Variants in DDX17 observed in about 807,000 individuals in gnomAD.
The protein encoded by DDX17 is DEAD-box helicase 17.
A neutral mutation model predicts 80.8 loss-of-function variants in DDX17; 10 were observed. That is an observed-to-expected ratio of 0.12 (90% confidence interval 0.08 to 0.21). The LOEUF (loss-of-function observed/expected upper bound fraction) is 0.21. DDX17 is among the 10% of genes least tolerant of loss of function. DDX17 has a pLI of 1.00. For synonymous variants in DDX17, 339 were observed against 336.2 expected, an observed-to-expected ratio of 1.01 and a Z score of -0.09; for missense variants, 586 against 957.4, an observed-to-expected ratio of 0.61 and a Z score of 5.12.
At chr22:38,504,104 T>C (rs1214254390) in intron 1 of DDX17, among the ~76,000 whole-genome samples, 1 of 152,192 alleles carries the variant, frequency 6.6e-6, no homozygotes, top group East Asian at 1.9e-4. Flanking sequence ...TTGTAGCCCC[T>C]CTATGTGCCT....
chr22:38,494,135 A>C lies in DDX17; in HGVS notation c.1215-4T>G, dbSNP rs1022224222. On this transcript the variant is annotated splice_region_variant and splice_polypyrimidine_tract_variant and intron_variant, in intron 8 of 12. Transcript: ENST00000403230. Reference sequence around the variant, plus strand: ...TTCTTCCATTAGTTGGATCAACCTGAAAACATGACCAACAATGCAGTCATC... The same window carrying C: ...TTCTTCCATTAGTTGGATCAACCTGCAAACATGACCAACAATGCAGTCATC... The C allele has an allele frequency of 6.3e-7, 1 of 1,588,410 alleles. No homozygotes were observed. The highest frequency in any genetic ancestry group is 1.3e-5 in the African/African-American group (1 of 74,502).
chr22:38,485,996 A>G lies in DDX17; in HGVS notation c.2129T>C (p.Met710Thr). Residue 710 changes from methionine (M) to threonine (T), a missense_variant, in exon 13 of 13, where the codon ATG becomes ACG. Met to Thr is a moderately conservative substitution (Grantham distance 81). Around this residue, in one of 4 missense-constraint regions of DDX17, gnomAD observed 221 missense variants for 261.4 expected, o/e 0.85. Transcript: ENST00000403230. ...AGGGTATTGGTAGGCAGTCTGCCCC[A>G]TGTAACCTATCATATTGGTAGCTCC... The G allele has an allele frequency of 6.2e-7, 1 of 1,613,984 alleles. No individual in the cohort carries two copies. Among genetic ancestry groups the G allele is most frequent in the Non-Finnish European group, 8.5e-7 (1 of 1,179,986 alleles).
In DDX17 at chr22:38,505,970, G is replaced by A; in HGVS notation, c.268C>T (p.Arg90Trp). Reference sequence around the variant, plus strand: ...CCTTACCCTCCACGGTCACGATCCCGGTCCCGGTCCCCAAAGCCTCCTCCG... The same window carrying A: ...CCTTACCCTCCACGGTCACGATCCCAGTCCCGGTCCCCAAAGCCTCCTCCG... The change falls in exon 1 of 13, where the codon CGG (arginine) becomes TGG (tryptophan). Residue 90 changes from arginine to tryptophan, a missense_variant. By Grantham distance (101) the Arg-to-Trp change is moderately radical. Coordinates refer to ENST00000403230, the MANE Select transcript of DDX17 (RefSeq NM_006386.5). 2.6e-6 allele frequency: 4 copies of A among 1,536,822 alleles called. No homozygotes were observed. Among genetic ancestry groups the A allele is most frequent in the Non-Finnish European group, 3.5e-6 (4 of 1,139,266 alleles).
In DDX17 at chr22:38,484,152, G is replaced by A. The variant is rs2089630403; in HGVS notation, c.*1783C>T. The A allele has an allele frequency of 6.6e-6, 1 of 152,188 alleles. No individual in the cohort carries two copies. Among genetic ancestry groups the A allele is most frequent in the Admixed American group, 6.6e-5 (1 of 15,236 alleles). The allele number at this position is 152,188 out of a possible 1,614,324, so 9.4% of individuals were successfully genotyped here. A position where few individuals can be genotyped will look rare whatever the true frequency, so the allele number is the denominator to read the frequency against. ...TGGCCAGTGCTTAGACAAATTTGGGGTTGGGGGGAACACTTTGGTTTGAAA... is the reference window on the plus strand; with the variant it reads ...TGGCCAGTGCTTAGACAAATTTGGGATTGGGGGGAACACTTTGGTTTGAAA... On this transcript the variant is annotated 3_prime_UTR_variant, in exon 13 of 13. Coordinates refer to ENST00000403230, the MANE Select transcript of DDX17 (RefSeq NM_006386.5).
chr22:38,486,702 G>GT (rs893514204), intron 12 of DDX17, among the ~76,000 whole-genome samples: 1 of 152,062 alleles, frequency 6.6e-6, no homozygotes, highest in African/African-American at 2.4e-5. Flanking sequence ...AAGAAACACG[G>GT]TATTACAATA....
Position 38,485,692 on chromosome 22 carries a change from A to ATC in DDX17, c.*242_*243insGA. The ATC allele has an allele frequency of 1.6e-5, 1 of 63,998 alleles. No individual in the cohort carries two copies. Among genetic ancestry groups the ATC allele is most frequent in the South Asian group, 2.2e-4 (1 of 4,498 alleles). The allele number at this position is 63,998 out of a possible 1,614,324, so 4.0% of individuals were successfully genotyped here. A position where few individuals can be genotyped will look rare whatever the true frequency, so the allele number is the denominator to read the frequency against. On this transcript the variant is annotated 3_prime_UTR_variant, in exon 13 of 13. Transcript: ENST00000403230. ...TCCAGTCAGCTATATATATATATAT[A>ATC]TATTTTTTTTTTTTTTACAAAATGT...
chr22:38,500,966 A>C (rs910937705), intron 2 of DDX17, among the ~76,000 whole-genome samples, 164 bp downstream of exon 2: 1 of 101,166 alleles, frequency 9.9e-6, no homozygotes, highest in African/African-American at 3.3e-5. Flanking sequence ...CCCGGTCTCT[A>C]CAAAAAGGAA....
rs1555927248 is a variant in DDX17 at position 38,506,046 on chromosome 22, G to A, written c.192C>T (p.Ser64=). ...CTGGGAGCGGGGCACGGATGGCCGG[G>A]CTCGGGAGGGCCTGCGGCTCCGGTC... The change falls in exon 1 of 13, where the codon AGC becomes AGT. Residue 64 remains serine, a synonymous_variant. Transcript: ENST00000403230. 2.5e-6 allele frequency: 4 copies of A among 1,585,522 alleles called. No individual in the cohort carries two copies. The South Asian group carries it at 3.4e-5, about 14-fold the overall frequency.
chr22:38,490,043 G>T lies in DDX17; in HGVS notation c.1448-1928C>A, dbSNP rs562324239. The T allele has an allele frequency of 5.8e-6, 6 of 1,040,426 alleles. No individual in the cohort carries two copies. In the South Asian group the frequency reaches 1.6e-4, roughly 28 times the overall value. The allele number at this position is 1,040,426 out of a possible 1,614,324, so 64.4% of individuals were successfully genotyped here. A position where few individuals can be genotyped will look rare whatever the true frequency, so the allele number is the denominator to read the frequency against. ...TACTTGGAAGTATTTCTAGAAGGGGGTGCTCAATAGAGGGCAGACATGATG... is the reference window on the plus strand; with the variant it reads ...TACTTGGAAGTATTTCTAGAAGGGGTTGCTCAATAGAGGGCAGACATGATG... On this transcript the variant is annotated intron_variant, in intron 11 of 12. Transcript: ENST00000403230.
rs1166278734 is a variant in DDX17 at position 38,485,039 on chromosome 22, A to G, written c.*896T>C. ...AAATGTGCTTTTTACACTGCAGGTCAATATAAAAACTGGTTAGTAAATTTC... is the reference window on the plus strand; with the variant it reads ...AAATGTGCTTTTTACACTGCAGGTCGATATAAAAACTGGTTAGTAAATTTC... On this transcript the variant is annotated 3_prime_UTR_variant, in exon 13 of 13. Transcript: ENST00000403230. 1 of 152,222 alleles carries G rather than the reference A, an allele frequency of 6.6e-6. No individual in the cohort carries two copies. The highest frequency in any genetic ancestry group is 1.5e-5 in the Non-Finnish European group (1 of 68,042). The allele number at this position is 152,222 out of a possible 1,614,324, so 9.4% of individuals were successfully genotyped here.
intron 5 of DDX17, among the ~76,000 whole-genome samples, chr22:38,497,571 TCTCGCTACTGCA>T (rs1266102076): frequency 2.3e-5 from 3 of 129,842 alleles, no homozygotes; most frequent in Non-Finnish European, 4.6e-5. Flanking sequence ...TGAGCTGAGA[TCTCGCTACTGCA>T]CTCCAGCCTG....
intron 5 of DDX17, among the ~76,000 whole-genome samples, chr22:38,497,111 C>G (rs903349084): frequency 6.6e-6 from 1 of 151,290 alleles, no homozygotes. Context: ...GTCTGGCCAA[C>G]ATGGTGAAAC....
Position 38,485,946 on chromosome 22 carries a change from A to G in DDX17, c.2179T>C (p.Ser727Pro), listed in dbSNP as rs144334639. Residue 727 changes from serine to proline, a missense_variant, in exon 13 of 13, where the codon TCA becomes CCA. Transcript: ENST00000403230. The stretch of plus-strand genomic sequence containing the variant: ...CCACTTGAGTGGTTTCATTTACGTG[A>G]AGGAGGAGGAGGGGGAGGAGGAGGA... 3.3e-4 allele frequency: 539 copies of G among 1,613,358 alleles called. No homozygotes were observed. Among genetic ancestry groups the G allele is most frequent in the Admixed American group, 5.5e-4 (33 of 59,972 alleles).
intron 2 of DDX17, among the ~76,000 whole-genome samples, chr22:38,500,835 A>C (rs1426091214): frequency 7.0e-6 from 1 of 141,994 alleles, no homozygotes; most frequent in East Asian, 2.0e-4. Flanking sequence ...AAAAAAAAAA[A>C]AAAAAAAAAA....
intron 11 of DDX17, chr22:38,490,446 A>C (rs1466367817): frequency 2.3e-6 from 3 of 1,289,164 alleles, no homozygotes; most frequent in Non-Finnish European, 3.0e-6. Context: ...TCTGTTAAAA[A>C]ACAAAACAAA....
At chr22:38,488,854 A>G (rs1374285004) in intron 11 of DDX17, 2 of 985,204 alleles carry the variant, frequency 2.0e-6, no homozygotes, top group East Asian at 2.3e-4. Context: ...TTTTTGCTCA[A>G]CTCAAGGTTA....
rs760459590 is a variant in DDX17, at chr22:38,501,079, A to G, written c.438+51T>C. On this transcript the variant is annotated intron_variant, in intron 2 of 12. Coordinates refer to ENST00000403230, the MANE Select transcript of DDX17 (RefSeq NM_006386.5). ...AGCGTATGAATAAACTCTAACCAAT[A>G]TATCTACTTGGTTCAATAATCTGTA... 15 of 1,571,998 alleles carry G rather than the reference A, an allele frequency of 9.5e-6. No homozygotes were observed. The East Asian group carries it at 1.2e-4, about 12-fold the overall frequency.
chr22:38,490,302 A>ATGACAT (rs1478678840), intron 11 of DDX17: 22 of 1,284,182 alleles, frequency 1.7e-5, no homozygotes, highest in Non-Finnish European at 2.1e-5. Flanking sequence ...GAAAGGCCCT[A>ATGACAT]TGACATGGCC....
rs769931898 is a variant in DDX17 at position 38,498,159 on chromosome 22, G to A, written c.673-9C>T. 3 of 1,613,692 alleles carry A rather than the reference G, an allele frequency of 1.9e-6. No individual in the cohort carries two copies. The highest frequency in any genetic ancestry group is 1.7e-5 in the Admixed American group (1 of 59,972). On this transcript the variant is annotated splice_polypyrimidine_tract_variant and intron_variant, in intron 4 of 12. Transcript: ENST00000403230. The stretch of plus-strand genomic sequence containing the variant: ...ATTGCAGGCAGGAGATACTGTGGAG[G>A]GGGGAAAGAATGACAACCTTACGCT...
Sources: gnomAD v4.1 joint callset for allele counts (sites outside exome capture counted in the v4.1 genomes callset) on GRCh38, gnomAD v4.1.1 for gene constraint, gnomAD v4.1.1 regional missense constraint, MANE v1.5 for transcripts, NCBI Gene and HGNC (gene_info 2026-07-23, HGNC 2026-07-21) for gene names.